The following LAPTM4A variants were observed in gnomAD, a reference collection of about 807,000 sequenced individuals.
LAPTM4A encodes lysosomal protein transmembrane 4 alpha, also known as lysosomal-associated transmembrane protein 4A.
In LAPTM4A, 19 loss-of-function variants were observed where a neutral mutation model predicts 29.9. The ratio of observed to expected loss-of-function variants is 0.64; its 90% confidence interval spans 0.44 to 0.93. LAPTM4A has a LOEUF of 0.93. Among genes scored for constraint, LAPTM4A ranks in the 40% least tolerant of loss-of-function variants. The pLI is 0.00. For missense variants in LAPTM4A, 293 were observed against 288.5 expected, an observed-to-expected ratio of 1.02 and a Z score of -0.11; for synonymous variants, 105 against 102.1, an observed-to-expected ratio of 1.03 and a Z score of -0.17.
chr2:20,047,198 G>T (rs1326563742), intron 1 of LAPTM4A, among the ~76,000 whole-genome samples: 1 of 151,132 alleles, frequency 6.6e-6, no homozygotes. Context: ...GACAATCCCG[G>T]CCAACACGGT....
At chr2:20,050,071 A>C (rs567966270) in intron 1 of LAPTM4A, among the ~76,000 whole-genome samples, 7 of 152,374 alleles carry the variant, frequency 4.6e-5, no homozygotes, top group Admixed American at 2.6e-4. Flanking sequence ...TAGTTCTGTC[A>C]ATAAGGCGGT....
intron 1 of LAPTM4A, among the ~76,000 whole-genome samples, chr2:20,047,698 A>AAAAAAAAAAAAAAAAAAAAAAAAAAG (rs1390633640): frequency 6.8e-6 from 1 of 147,006 alleles, no homozygotes; most frequent in African/African-American, 2.5e-5. Flanking sequence ...CTCCGTCTCA[A>AAAAAAAAAAAAAAAAAAAAAAAAAAG]AAAAAAAAAA....
At chr2:20,039,601 C>T (rs1040149975) in intron 2 of LAPTM4A, among the ~76,000 whole-genome samples, 1 of 152,098 alleles carries the variant, frequency 6.6e-6, no homozygotes, top group Non-Finnish European at 1.5e-5. Flanking sequence ...AAAAATTTAG[C>T]TACTCAGGCA....
At chr2:20,046,326 T>C (rs1673918031) in intron 1 of LAPTM4A, among the ~76,000 whole-genome samples, 1 of 152,076 alleles carries the variant, frequency 6.6e-6, no homozygotes, top group Admixed American at 6.6e-5. Context: ...TGTGGACATG[T>C]ACCCTAGAAC....
At chr2:20,039,902 C>T (rs577196165) in intron 2 of LAPTM4A, among the ~76,000 whole-genome samples, 3 of 151,938 alleles carry the variant, frequency 2.0e-5, no homozygotes, top group East Asian at 1.9e-4. Flanking sequence ...AAAAATTAGC[C>T]GGGTGTGGTG....
rs371637155 is a variant in LAPTM4A, at chr2:20,051,534, C to G, written c.-14G>C. On this transcript the variant is annotated 5_prime_UTR_variant, in exon 1 of 7. Transcript: ENST00000175091. ...CATGGACACCATCGTAACAGGCGGG[C>G]CTCCTTCTTGGCCGGGCCCCTGACA... 1 of 1,542,404 alleles carries G rather than the reference C, an allele frequency of 6.5e-7. No individual in the cohort carries two copies. The highest frequency in any genetic ancestry group is 1.2e-5 in the South Asian group (1 of 86,588).
At chr2:20,033,618 G>A (rs1673622210) in intron 6 of LAPTM4A, among the ~76,000 whole-genome samples, 1 of 152,160 alleles carries the variant, frequency 6.6e-6, no homozygotes, top group Admixed American at 6.5e-5. Flanking sequence ...CAGGTGTTGA[G>A]GAGTTGGGTT....
At chr2:20,047,614 C>T (rs1673958697) in intron 1 of LAPTM4A, among the ~76,000 whole-genome samples, 1 of 146,460 alleles carries the variant, frequency 6.8e-6, no homozygotes, top group South Asian at 2.2e-4. Flanking sequence ...GGCGTGAACC[C>T]GGGAAGCGGA....
At chr2:20,046,284 C>T (rs931928090) in intron 1 of LAPTM4A, among the ~76,000 whole-genome samples, 5 of 151,944 alleles carry the variant, frequency 3.3e-5, no homozygotes, top group African/African-American at 1.2e-4. Context: ...ACCAACATGG[C>T]ACATGTATAC....
At chr2:20,036,403 C>T (rs1308780849) in intron 4 of LAPTM4A, among the ~76,000 whole-genome samples, 1 of 152,222 alleles carries the variant, frequency 6.6e-6, no homozygotes, top group African/African-American at 2.4e-5. Context: ...AGGTTTAGTA[C>T]CCATGTGATA....
chr2:20,038,856 G>A (rs1673735623), intron 2 of LAPTM4A, among the ~76,000 whole-genome samples: 1 of 152,004 alleles, frequency 6.6e-6, no homozygotes, highest in South Asian at 2.1e-4. Flanking sequence ...AAATACTGAG[G>A]GCACTAATAA....
chr2:20,046,932 C>T (rs1345616893), intron 1 of LAPTM4A, among the ~76,000 whole-genome samples: 2 of 149,590 alleles, frequency 1.3e-5, no homozygotes, highest in Non-Finnish European at 3.0e-5. Context: ...ATAAAGACAT[C>T]ACCCTCTTCC....
intron 4 of LAPTM4A, among the ~76,000 whole-genome samples, chr2:20,035,952 A>T (rs928702433): frequency 2.0e-5 from 3 of 152,194 alleles, no homozygotes; most frequent in Non-Finnish European, 2.9e-5. Flanking sequence ...TAGAAAAAAA[A>T]AATTTTAAGA....
In LAPTM4A at chr2:20,037,529, T is replaced by A; in HGVS notation, c.309+9A>T. ...CAAACTCTAAAAGATGAAAATACAG[T>A]ATACTTACAGAAATTGCTCCATAAA... is the stretch of plus-strand genomic sequence containing the variant. On this transcript the variant is annotated intron_variant, in intron 3 of 6. Coordinates refer to ENST00000175091, the MANE Select transcript of LAPTM4A (RefSeq NM_014713.5). 6.2e-7 allele frequency: 1 copy of A among 1,605,868 alleles called. No homozygotes were observed.
At chr2:20,045,363 G>T (rs946705625) in intron 1 of LAPTM4A, among the ~76,000 whole-genome samples, 1 of 151,986 alleles carries the variant, frequency 6.6e-6, no homozygotes, top group Admixed American at 6.6e-5. Context: ...CTGGTCAGGT[G>T]CCTGAGGTGG....
In LAPTM4A at chr2:20,033,136, A is replaced by G; in HGVS notation, c.*69T>C. 1 of 1,266,720 alleles carries G rather than the reference A, an allele frequency of 7.9e-7. No individual in the cohort carries two copies. The highest frequency in any genetic ancestry group is 1.7e-5 in the Admixed American group (1 of 59,166). The allele number at this position is 1,266,720 out of a possible 1,614,324, so 78.5% of individuals were successfully genotyped here. A position where few individuals can be genotyped will look rare whatever the true frequency, so the allele number is the denominator to read the frequency against. On this transcript the variant is annotated 3_prime_UTR_variant, in exon 7 of 7. Coordinates refer to ENST00000175091, the MANE Select transcript of LAPTM4A (RefSeq NM_014713.5). ...ATCAAACAAGTTTGAAGAGCCCTGAATTGCAGCATTCTGTAACATAAACAA... is the reference window on the plus strand; with the variant it reads ...ATCAAACAAGTTTGAAGAGCCCTGAGTTGCAGCATTCTGTAACATAAACAA...
chr2:20,043,412 C>T (rs371417074), intron 1 of LAPTM4A, among the ~76,000 whole-genome samples: 4 of 152,048 alleles, frequency 2.6e-5, no homozygotes, highest in South Asian at 2.1e-4. Flanking sequence ...GGTGGGGTTT[C>T]GCCACGTTGG....
At chr2:20,037,678 T>C in intron 2 of LAPTM4A, 64 bp from the exon 3 acceptor site, 1 of 1,055,776 alleles carries the variant, frequency 9.5e-7, no homozygotes, top group Non-Finnish European at 1.4e-6. Flanking sequence ...AAAACTTCAC[T>C]TAAAGCTAGC....
At chr2:20,033,921 A>C (rs1300222268) in intron 6 of LAPTM4A, among the ~76,000 whole-genome samples, 1 of 152,120 alleles carries the variant, frequency 6.6e-6, no homozygotes. Context: ...CACTGTATTC[A>C]TCTCCCCAGA....
Sources: gnomAD v4.1 joint callset for allele counts (sites outside exome capture counted in the v4.1 genomes callset) on GRCh38, gnomAD v4.1.1 for gene constraint, MANE v1.5 for transcripts, NCBI Gene and HGNC (gene_info 2026-07-23, HGNC 2026-07-21) for gene names.